The following EYS variants were observed in gnomAD, a reference collection of about 807,000 sequenced individuals.
The protein encoded by EYS is EGF-like photoreceptor maintenance factor, also known as protein eyes shut homolog.
A neutral mutation model predicts 282.1 loss-of-function variants in EYS; 250 were observed. The ratio of observed to expected loss-of-function variants is 0.89; its 90% CI spans 0.80 to 0.98. The LOEUF (loss-of-function observed/expected upper bound fraction) is 0.98, where lower values mean the gene tolerates loss of function less well. Ranked by LOEUF, EYS falls within the 50% of genes least tolerant of loss-of-function variation. The pLI is 0.00. For missense variants in EYS, 4,016 were observed against 3,709.0 expected (o/e 1.08, Z -2.15); for synonymous variants, 1,355 against 1,282.9 (o/e 1.06, Z -1.20).
At chr6:64,972,123 T>C (rs1047131952) in intron 14 of EYS, among the ~76,000 whole-genome samples, 3 of 152,286 alleles carry the variant, frequency 2.0e-5, no homozygotes, top group East Asian at 1.9e-4. Flanking sequence ...CACCTGATGA[T>C]GATTTCTTAT....
At chr6:65,200,996 T>C (rs187899238) in intron 12 of EYS, among the ~76,000 whole-genome samples, 1 of 152,290 alleles carries the variant, frequency 6.6e-6, no homozygotes, top group East Asian at 1.9e-4. Context: ...AGGGGCTGTC[T>C]CTTTTAAGAT....
intron 2 of EYS, among the ~76,000 whole-genome samples, chr6:65,618,151 T>G (rs1189970960): frequency 6.6e-5 from 10 of 152,194 alleles, no homozygotes; most frequent in Admixed American, 1.3e-4. Flanking sequence ...ATGGTTGAAC[T>G]AGTTTACAGT....
intron 12 of EYS, among the ~76,000 whole-genome samples, chr6:65,183,602 A>C (rs1765445259): frequency 6.6e-6 from 1 of 151,838 alleles, no homozygotes; most frequent in Non-Finnish European, 1.5e-5. Context: ...TTGTGTTACC[A>C]GTTATGATAT....
At chr6:64,926,443 G>T (rs548523842) in intron 15 of EYS, among the ~76,000 whole-genome samples, 1 of 152,266 alleles carries the variant, frequency 6.6e-6, no homozygotes, top group South Asian at 2.1e-4. Flanking sequence ...GGCTGTTCCT[G>T]CTCATAGACT....
At chr6:65,100,357 G>GT (rs1347243258) in intron 12 of EYS, among the ~76,000 whole-genome samples, 1 of 150,444 alleles carries the variant, frequency 6.6e-6, no homozygotes, top group Non-Finnish European at 1.5e-5. Context: ...TTAATCAGAA[G>GT]TTTTTTTAAT....
intron 12 of EYS, among the ~76,000 whole-genome samples, chr6:65,290,623 C>T (rs1279369475): frequency 1.3e-5 from 2 of 151,220 alleles, no homozygotes; most frequent in Non-Finnish European, 3.0e-5. Context: ...AGTTTAGAGT[C>T]AGAAATACTT....
At chr6:65,364,052 A>G (rs1764816560) in intron 8 of EYS, among the ~76,000 whole-genome samples, 1 of 149,078 alleles carries the variant, frequency 6.7e-6, no homozygotes, top group African/African-American at 2.4e-5. Flanking sequence ...TATTTTTTCA[A>G]AGTTTCCCTA....
At chr6:63,986,507 G>T (rs999381415) in intron 34 of EYS, among the ~76,000 whole-genome samples, 3 of 151,722 alleles carry the variant, frequency 2.0e-5, no homozygotes, top group African/African-American at 7.3e-5. Context: ...TAATAGCAAA[G>T]ATATGGAATC....
At position 64,300,502 on chromosome 6, in the gene EYS, G is replaced by A. The variant is rs144974845; in HGVS notation, c.6191+6468C>T. 8.0e-4 allele frequency among the ~76,000 whole-genome samples: 121 copies of A among 152,140 alleles called. No homozygotes were observed. In the East Asian group the frequency reaches 0.012, roughly 16 times the overall value. ...GTTATTTCTCCCTTACTCCTAAAAC[G>A]ACTCCAAATCCCATTTAAGTAAAAC... On this transcript the variant is annotated intron_variant, in intron 30 of 42. Transcript: ENST00000503581.
chr6:64,048,102 T>C (rs1475463475), intron 33 of EYS, among the ~76,000 whole-genome samples: 1 of 152,042 alleles, frequency 6.6e-6, no homozygotes, highest in Non-Finnish European at 1.5e-5. Flanking sequence ...AACGGGATTT[T>C]GCCATGTTGG....
At chr6:64,205,814 T>C (rs374437308) in intron 31 of EYS, among the ~76,000 whole-genome samples, 4 of 136,376 alleles carry the variant, frequency 2.9e-5, no homozygotes, top group Non-Finnish European at 4.7e-5. Context: ...TAGGCATTCA[T>C]ACACACACAC....
chr6:64,486,125 T>C (rs1443982173), intron 26 of EYS, among the ~76,000 whole-genome samples: 2 of 151,472 alleles, frequency 1.3e-5, no homozygotes, highest in African/African-American at 4.8e-5. Context: ...GTTTGTAATA[T>C]TAGAAATAAA....
At chr6:64,475,269 A>AGATACCAAATACTTAACACAGTTCCT (rs1776225445) in intron 26 of EYS, among the ~76,000 whole-genome samples, 62 of 135,248 alleles carry the variant, frequency 4.6e-4, no homozygotes, top group East Asian at 1.1e-3. Flanking sequence ...TGAAAAGAAA[A>AGATACCAAATACTTAACACAGTTCCT]GGCCGGGCGC....
At chr6:65,577,305 A>T (rs1764707355) in intron 2 of EYS, among the ~76,000 whole-genome samples, 2 of 151,870 alleles carry the variant, frequency 1.3e-5, no homozygotes, top group Non-Finnish European at 2.9e-5. Flanking sequence ...TTTATTTTTG[A>T]CAAAATTTCC....
chr6:64,727,380 T>C (rs1267994557), intron 22 of EYS, among the ~76,000 whole-genome samples: 1 of 152,230 alleles, frequency 6.6e-6, no homozygotes, highest in Non-Finnish European at 1.5e-5. Flanking sequence ...TAGTTTGTTT[T>C]ATTTCTTTGC....
At chr6:64,299,306 A>G (rs6454778) in intron 30 of EYS, among the ~76,000 whole-genome samples, 108,982 of 152,190 alleles carry the variant, frequency 0.72, 39,222 homozygotes, top group African/African-American at 0.79. Flanking sequence ...TTAAATCTGT[A>G]CTGAATAAAT....
chr6:65,541,813 T>G (rs1412767011), intron 2 of EYS, among the ~76,000 whole-genome samples: 1 of 152,108 alleles, frequency 6.6e-6, no homozygotes, highest in Non-Finnish European at 1.5e-5. Context: ...AATGAAGATG[T>G]GTTCCAATAA....
At chr6:65,271,749 AT>A (rs1318763506) in intron 12 of EYS, among the ~76,000 whole-genome samples, 3 of 151,638 alleles carry the variant, frequency 2.0e-5, no homozygotes, top group African/African-American at 7.3e-5. Flanking sequence ...CATCCAGCTA[AT>A]TTTTTGTATT....
chr6:64,804,532 A>G (rs1314327019), intron 22 of EYS, among the ~76,000 whole-genome samples: 1 of 152,114 alleles, frequency 6.6e-6, no homozygotes, highest in Non-Finnish European at 1.5e-5. Context: ...TCTCTTTAAT[A>G]TGGTTAAATT....
Sources: allele counts gnomAD v4.1 joint callset (sites outside exome capture counted in the v4.1 genomes callset), GRCh38; gene constraint gnomAD v4.1.1; transcripts MANE v1.5; gene names NCBI Gene and HGNC (gene_info 2026-07-23, HGNC 2026-07-21).